Variants in SEMA6D observed in about 807,000 individuals in gnomAD.
SEMA6D encodes semaphorin-6D.
In SEMA6D, 35 loss-of-function variants were observed where a neutral mutation model predicts 106.6. That is an observed-to-expected ratio of 0.33 (90% CI 0.25 to 0.44). SEMA6D has a LOEUF of 0.44. Ranked by LOEUF, SEMA6D falls within the 20% of genes least tolerant of loss-of-function variation. SEMA6D has a pLI of 1.00. For missense variants in SEMA6D, 1,185 were observed against 1,345.9 expected, an observed-to-expected ratio of 0.88 and a Z score of 1.87; for synonymous variants, 499 against 487.7, an observed-to-expected ratio of 1.02 and a Z score of -0.31.
At chr15:47,625,138 T>C (rs2077178103) in intron 4 of SEMA6D, among the ~76,000 whole-genome samples, 1 of 152,160 alleles carries the variant, frequency 6.6e-6, no homozygotes, top group African/African-American at 2.4e-5. Flanking sequence ...AAGATTCTGG[T>C]TGACAAATCA....
chr15:47,205,171 C>T (rs1894972851), intron 1 of SEMA6D, among the ~76,000 whole-genome samples: 1 of 152,114 alleles, frequency 6.6e-6, no homozygotes, highest in Non-Finnish European at 1.5e-5. Context: ...GATTACAAAA[C>T]CAGTTCCAAT....
At position 47,542,155 on chromosome 15, in the gene SEMA6D, T is replaced by C. The variant is rs375929852; in HGVS notation, c.-86-58710T>C. ...TATAATAATCAGCCAATAACAAATTTCTGTAATATTAGATCCTATTTTCCT... is the reference window on the plus strand; with the variant it reads ...TATAATAATCAGCCAATAACAAATTCCTGTAATATTAGATCCTATTTTCCT... On this transcript the variant is annotated intron_variant, in intron 3 of 19. Transcript: ENST00000558014. Among the ~76,000 whole-genome samples the C allele has an allele frequency of 3.3e-5, 5 of 152,300 alleles. No homozygotes were observed. In the East Asian group the frequency reaches 9.6e-4, roughly 29 times the overall value.
chr15:47,723,960 C>G (rs1275423211), intron 1 of SEMA6D, among the ~76,000 whole-genome samples: 1 of 152,178 alleles, frequency 6.6e-6, no homozygotes, highest in Non-Finnish European at 1.5e-5. Context: ...CACATAAGAA[C>G]CAGAGCAGAC....
intron 3 of SEMA6D, among the ~76,000 whole-genome samples, chr15:47,546,702 A>G (rs2045531643): frequency 6.6e-6 from 1 of 150,842 alleles, no homozygotes; most frequent in Non-Finnish European, 1.5e-5. Context: ...GGAGAAACCC[A>G]CCATGGTGGG....
At chr15:47,505,597 C>T (rs1423119523) in intron 3 of SEMA6D, among the ~76,000 whole-genome samples, 3 of 152,132 alleles carry the variant, frequency 2.0e-5, no homozygotes, top group African/African-American at 7.2e-5. Context: ...GTTCTTAGGA[C>T]ATGCATGCAA....
At chr15:47,347,383 A>T (rs2038089660) in intron 1 of SEMA6D, among the ~76,000 whole-genome samples, 2 of 152,222 alleles carry the variant, frequency 1.3e-5, no homozygotes, top group African/African-American at 2.4e-5. Context: ...GGCTCTTCTG[A>T]AAGAACATAG....
chr15:47,233,948 C>T (rs868679573), intron 1 of SEMA6D, among the ~76,000 whole-genome samples: 7 of 151,904 alleles, frequency 4.6e-5, no homozygotes, highest in Admixed American at 1.3e-4. Context: ...AACTCCAATA[C>T]AATGTTGAAT....
chr15:47,712,369 C>A (rs953110397), intron 4 of SEMA6D, among the ~76,000 whole-genome samples: 4 of 152,186 alleles, frequency 2.6e-5, no homozygotes, highest in African/African-American at 9.6e-5. Context: ...GGCAAACAAA[C>A]CGGGATTAGA....
intron 1 of SEMA6D, among the ~76,000 whole-genome samples, chr15:47,360,841 A>G (rs759798202): frequency 6.6e-6 from 1 of 152,258 alleles, no homozygotes; most frequent in Non-Finnish European, 1.5e-5. Flanking sequence ...CAAACACTAA[A>G]TCACAGGAAA....
intron 1 of SEMA6D, among the ~76,000 whole-genome samples, chr15:47,332,816 A>G (rs2037395886): frequency 6.6e-6 from 1 of 152,156 alleles, no homozygotes; most frequent in Non-Finnish European, 1.5e-5. Flanking sequence ...CCTAAATGGG[A>G]GGGTCCTGAA....
At chr15:47,330,514 G>A (rs118151530) in intron 1 of SEMA6D, among the ~76,000 whole-genome samples, 1 of 152,268 alleles carries the variant, frequency 6.6e-6, no homozygotes, top group Non-Finnish European at 1.5e-5. Context: ...ACTTGGCTGA[G>A]GAGCTTGTCA....
chr15:47,494,728 A>G (rs2043581555), intron 3 of SEMA6D, among the ~76,000 whole-genome samples: 1 of 120,122 alleles, frequency 8.3e-6, no homozygotes, highest in African/African-American at 3.0e-5. Context: ...AAAAATCTGG[A>G]GAGTGGGATG....
chr15:47,274,607 AGAG>A (rs1453833395), intron 1 of SEMA6D, among the ~76,000 whole-genome samples: 1 of 152,200 alleles, frequency 6.6e-6, no homozygotes, highest in Non-Finnish European at 1.5e-5. Flanking sequence ...AAAAGAAAAC[AGAG>A]GAGAAATTAG....
intron 1 of SEMA6D, among the ~76,000 whole-genome samples, chr15:47,354,936 T>C (rs1160586039): frequency 6.6e-6 from 1 of 152,224 alleles, no homozygotes; most frequent in African/African-American, 2.4e-5. Context: ...AATTGTTCCA[T>C]GAATTCATCA....
intron 4 of SEMA6D, among the ~76,000 whole-genome samples, chr15:47,624,434 C>T (rs1299426799): frequency 6.6e-6 from 1 of 152,098 alleles, no homozygotes; most frequent in South Asian, 2.1e-4. Flanking sequence ...TTTTTATTAC[C>T]TCTGTGAAAA....
chr15:47,188,704 GTTTTTC>G (rs1012471041), intron 1 of SEMA6D, among the ~76,000 whole-genome samples: 1 of 151,970 alleles, frequency 6.6e-6, no homozygotes, highest in African/African-American at 2.4e-5. Flanking sequence ...GTCTTATTTT[GTTTTTC>G]TTTTTCAATT....
At chr15:47,577,440 G>A (rs1300088154) in intron 3 of SEMA6D, among the ~76,000 whole-genome samples, 1 of 152,226 alleles carries the variant, frequency 6.6e-6, no homozygotes, top group East Asian at 1.9e-4. Flanking sequence ...CTGCATGAGG[G>A]CCTCTGATAA....
intron 1 of SEMA6D, among the ~76,000 whole-genome samples, chr15:47,338,787 G>T (rs2037680094): frequency 6.6e-6 from 1 of 152,098 alleles, no homozygotes. Flanking sequence ...CTGTTTCTGG[G>T]GCACTTTAGG....
intron 2 of SEMA6D, among the ~76,000 whole-genome samples, chr15:47,430,727 A>G (rs1316294846): frequency 6.6e-6 from 1 of 152,006 alleles, no homozygotes; most frequent in East Asian, 1.9e-4. Context: ...GGCCCAAGGT[A>G]ATGTCTCAAA....
Sources: allele counts gnomAD v4.1 joint callset (sites outside exome capture counted in the v4.1 genomes callset), GRCh38; gene constraint gnomAD v4.1.1; transcripts MANE v1.5; gene names NCBI Gene and HGNC (gene_info 2026-07-23, HGNC 2026-07-21).